Variants in ZNF551 observed in about 807,000 individuals in gnomAD.
ZNF551 encodes zinc finger protein 551.
A neutral mutation model predicts 7.9 loss-of-function variants in ZNF551; 5 were observed. The observed-to-expected ratio is 0.63, with a 90% CI of 0.33 to 1.33. The LOEUF (loss-of-function observed/expected upper bound fraction) is 1.33. ZNF551 is among the 40% of genes most tolerant of loss of function. The pLI is 0.05. For missense variants in ZNF551, 788 were observed against 825.2 expected, an observed-to-expected ratio of 0.95 and a Z score of 0.55; for synonymous variants, 287 against 277.3, an observed-to-expected ratio of 1.03 and a Z score of -0.35.
chr19:57,685,577 T>G lies in ZNF551; in HGVS notation c.205+192T>G, dbSNP rs567338893. ...TTTTCCTCTAGCTGCCATTTCCTTATGTCCACCTATATCAGAAATTACAGG... is the reference window on the plus strand; with the variant it reads ...TTTTCCTCTAGCTGCCATTTCCTTAGGTCCACCTATATCAGAAATTACAGG... On this transcript the variant is annotated intron_variant, in intron 2 of 2. Coordinates refer to ENST00000282296, the MANE Select transcript of ZNF551 (RefSeq NM_138347.5). 1.3e-5 allele frequency: 10 copies of G among 772,568 alleles called. No homozygotes were observed. The Middle Eastern group carries it at 1.4e-3, about 112-fold the overall frequency. The allele number at this position is 772,568 out of a possible 1,614,324, so 47.9% of individuals were successfully genotyped here. A position where few individuals can be genotyped will look rare whatever the true frequency, so the allele number is the denominator to read the frequency against.
rs146985332 is a variant in ZNF551, at chr19:57,686,798, T to G, written c.523T>G (p.Phe175Val). The G allele has an allele frequency of 1.2e-6, 2 of 1,614,058 alleles. No homozygotes were observed. The highest frequency in any genetic ancestry group is 2.7e-5 in the African/African-American group (2 of 74,918). Residue 175 changes from phenylalanine to valine, a missense_variant, in exon 3 of 3, where the codon TTC becomes GTC. By Grantham distance (50) the Phe-to-Val change is conservative. Transcript: ENST00000282296. ...DEATFVTGCR[F>V]HVLNYFTCGE... ...GGCTACATTTGTGACCGGCTGCAGATTCCATGTGTTGAATTATTTCACCTG... is the reference window on the plus strand; with the variant it reads ...GGCTACATTTGTGACCGGCTGCAGAGTCCATGTGTTGAATTATTTCACCTG...
Position 57,688,200 on chromosome 19 carries a change from C to CT in ZNF551, c.1927dup (p.Tyr643LeufsTer2). 6.2e-7 allele frequency: 1 copy of CT among 1,614,238 alleles called. No individual in the cohort carries two copies. The highest frequency in any genetic ancestry group is 8.5e-7 in the Non-Finnish European group (1 of 1,180,044). On this transcript the variant is annotated frameshift_variant, in exon 3 of 3. Transcript: ENST00000282296. LOFTEE classifies it low-confidence loss of function (END_TRUNC). ...CAAAGAGTTCACACTGGAGAAAGGC[C>CT]TTATGAATGCAGTGAATGTGGGAAA...
At chr19:57,682,492 C>T (rs1984418749) in intron 1 of ZNF551, among the ~76,000 whole-genome samples, 1 of 152,164 alleles carries the variant, frequency 6.6e-6, no homozygotes, top group Non-Finnish European at 1.5e-5. Flanking sequence ...CGTCTCGGGT[C>T]TGCAGGAACA....
Position 57,688,063 on chromosome 19 carries a change from T to C in ZNF551, c.1788T>C (p.Phe596=). 6.2e-7 allele frequency: 1 copy of C among 1,614,132 alleles called. No homozygotes were observed. The highest frequency in any genetic ancestry group is 8.5e-7 in the Non-Finnish European group (1 of 1,180,010). The change falls in exon 3 of 3, where the codon TTT becomes TTC. Residue 596 remains phenylalanine, a synonymous_variant. Transcript: ENST00000282296. ...AATGTAGTGAATGTGGGAAATCCTT[T>C]AGCCAGAGCTCTAGCCTCATTCAAC... is the stretch of plus-strand genomic sequence containing the variant. ...PYECSECGKS[F]SQSSSLIQHQ... is the part of the protein sequence containing the mutation.
chr19:57,690,539 A>C lies in ZNF551; in HGVS notation c.*2251A>C, dbSNP rs750155972. 1 of 152,128 alleles carries C rather than the reference A, an allele frequency of 6.6e-6. No homozygotes were observed. The highest frequency in any genetic ancestry group is 1.5e-5 in the Non-Finnish European group (1 of 68,036). The allele number at this position is 152,128 out of a possible 1,614,324, so 9.4% of individuals were successfully genotyped here. ...AAAATGATGAATCTTTGTATTGCTGAGTATCATGCTGTTCTATGGATAAGT... is the reference window on the plus strand; with the variant it reads ...AAAATGATGAATCTTTGTATTGCTGCGTATCATGCTGTTCTATGGATAAGT... On this transcript the variant is annotated 3_prime_UTR_variant, in exon 3 of 3. Coordinates refer to ENST00000282296, the MANE Select transcript of ZNF551 (RefSeq NM_138347.5).
chr19:57,685,516 A>G, intron 2 of ZNF551, 131 bp downstream of exon 2: 2 of 1,424,742 alleles, frequency 1.4e-6, no homozygotes, highest in Non-Finnish European at 2.0e-6. Flanking sequence ...ATGACTGTGT[A>G]CAGATTCATG....
chr19:57,688,520 C>T lies in ZNF551; in HGVS notation c.*232C>T, dbSNP rs554429613. ...GCTGAAGCCATTTCACATTTCACCCCTACCACCTGGCAGGTGCACACCATG... is the reference window on the plus strand; with the variant it reads ...GCTGAAGCCATTTCACATTTCACCCTTACCACCTGGCAGGTGCACACCATG... On this transcript the variant is annotated 3_prime_UTR_variant, in exon 3 of 3. Transcript: ENST00000282296. 5.1e-6 allele frequency: 3 copies of T among 592,470 alleles called. No homozygotes were observed. Among genetic ancestry groups the T allele is most frequent in the East Asian group, 2.9e-5 (1 of 34,030 alleles). The allele number at this position is 592,470 out of a possible 1,614,324, so 36.7% of individuals were successfully genotyped here.
Position 57,690,115 on chromosome 19 carries a change from A to C in ZNF551, c.*1827A>C, listed in dbSNP as rs1984716687. The C allele has an allele frequency of 6.6e-6, 1 of 152,138 alleles. No homozygotes were observed. The highest frequency in any genetic ancestry group is 1.5e-5 in the Non-Finnish European group (1 of 68,014). The allele number at this position is 152,138 out of a possible 1,614,324, so 9.4% of individuals were successfully genotyped here. On this transcript the variant is annotated 3_prime_UTR_variant, in exon 3 of 3. Transcript: ENST00000282296. ...AAAAAAAAGGAACATCTAGGCTCTT[A>C]ATTTTGAGCCACTTTTTAAAGCTTT...
At chr19:57,684,065 A>G (rs911772669) in intron 1 of ZNF551, among the ~76,000 whole-genome samples, 1 of 152,132 alleles carries the variant, frequency 6.6e-6, no homozygotes, top group Non-Finnish European at 1.5e-5. Context: ...GGGGACAGCA[A>G]TCACAGCCCA....
At position 57,686,485 on chromosome 19, in the gene ZNF551, T is replaced by C; in HGVS notation, c.210T>C (p.Tyr70=). 1.9e-6 allele frequency: 3 copies of C among 1,600,956 alleles called. No individual in the cohort carries two copies. Among genetic ancestry groups the C allele is most frequent in the Non-Finnish European group, 1.7e-6 (2 of 1,169,360 alleles). ...TCAGCATTTCTCTGCTTTCAGGTTA[T>C]TGCCATGGAATGGAGAATGAGGCGA... The part of the protein sequence containing the change: ...ENFAHVTSLG[Y]CHGMENEAIA... The change falls in exon 3 of 3, where the codon TAT becomes TAC. Residue 70 remains tyrosine, a synonymous_variant. Coordinates refer to ENST00000282296, the MANE Select transcript of ZNF551 (RefSeq NM_138347.5).
chr19:57,686,732 C>T lies in ZNF551; in HGVS notation c.457C>T (p.His153Tyr). 1 of 1,614,222 alleles carries T rather than the reference C, an allele frequency of 6.2e-7. No individual in the cohort carries two copies. The highest frequency in any genetic ancestry group is 8.5e-7 in the Non-Finnish European group (1 of 1,180,044). Residue 153 changes from histidine (H) to tyrosine (Y), a missense_variant, in exon 3 of 3, where the codon CAT (histidine) becomes TAT (tyrosine). Transcript: ENST00000282296. ...TGCTGACCTTCACCAGCATCAAAAG[C>T]ATTACAATGAAGAAGAGCCCTGGAA... is the stretch of plus-strand genomic sequence containing the variant. Reference protein sequence around the residue: ...FSADLHQHQKHYNEEEPWKRK... With the variant: ...FSADLHQHQKYYNEEEPWKRK...
At position 57,685,371 on chromosome 19, in the gene ZNF551, A is replaced by G. The variant is rs756256742; in HGVS notation, c.191A>G (p.His64Arg). 9.9e-6 allele frequency: 16 copies of G among 1,614,114 alleles called. No homozygotes were observed. The highest frequency in any genetic ancestry group is 1.2e-5 in the Non-Finnish European group (14 of 1,179,994). Reference sequence around the variant, plus strand: ...GATGTGATGCTGGAGAACTTTGCACATGTAACATCCCTGGGTAAGGCCCTA... The same window carrying G: ...GATGTGATGCTGGAGAACTTTGCACGTGTAACATCCCTGGGTAAGGCCCTA... ...YCDVMLENFAHVTSLGYCHGM... is the reference protein window; with the variant it reads ...YCDVMLENFARVTSLGYCHGM... The change falls in exon 2 of 3, where the codon CAT (histidine) becomes CGT (arginine). Residue 64 changes from histidine to arginine, a missense_variant. Transcript: ENST00000282296.
intron 1 of ZNF551, among the ~76,000 whole-genome samples, chr19:57,683,300 T>G (rs1211882771): frequency 6.6e-6 from 1 of 152,224 alleles, no homozygotes; most frequent in Non-Finnish European, 1.5e-5. Context: ...ATTTTTTAAG[T>G]AGGGCTGCCT....
In ZNF551 at chr19:57,688,431, G is replaced by A; in HGVS notation, c.*143G>A. On this transcript the variant is annotated 3_prime_UTR_variant, in exon 3 of 3. Coordinates refer to ENST00000282296, the MANE Select transcript of ZNF551 (RefSeq NM_138347.5). ...CAGGTATGTGGGAAGCTCTGAGGAG[G>A]TTCATTGTAATTTCTAATCTGCCGA... is the stretch of plus-strand genomic sequence containing the variant. 8.6e-7 allele frequency: 1 copy of A among 1,169,148 alleles called. No homozygotes were observed. Among genetic ancestry groups the A allele is most frequent in the Non-Finnish European group, 1.2e-6 (1 of 845,660 alleles). 72.4% of individuals were successfully genotyped at this position (1,169,148 alleles called of 1,614,324 possible).
Position 57,686,777 on chromosome 19 carries a change from A to G in ZNF551, c.502A>G (p.Thr168Ala), listed in dbSNP as rs777553445. 3.1e-6 allele frequency: 5 copies of G among 1,614,252 alleles called. No homozygotes were observed. The highest frequency in any genetic ancestry group is 4.2e-6 in the Non-Finnish European group (5 of 1,180,044). ...CTGGAAAAGGAAGGTGGATGAGGCT[A>G]CATTTGTGACCGGCTGCAGATTCCA... is the stretch of plus-strand genomic sequence containing the variant. Reference protein sequence around the residue: ...EPWKRKVDEATFVTGCRFHVL... With the variant: ...EPWKRKVDEAAFVTGCRFHVL... Residue 168 changes from threonine to alanine, a missense_variant, in exon 3 of 3, where the codon ACA (threonine) becomes GCA (alanine). Coordinates refer to ENST00000282296, the MANE Select transcript of ZNF551 (RefSeq NM_138347.5).
At chr19:57,684,938 G>A (rs1984507634) in intron 1 of ZNF551, among the ~76,000 whole-genome samples, 1 of 152,160 alleles carries the variant, frequency 6.6e-6, no homozygotes, top group Non-Finnish European at 1.5e-5. Context: ...GACTTCACGG[G>A]TATTGCCTGA....
At position 57,690,137 on chromosome 19, in the gene ZNF551, C is replaced by T. The variant is rs1270193190; in HGVS notation, c.*1849C>T. 1 of 152,074 alleles carries T rather than the reference C, an allele frequency of 6.6e-6. No homozygotes were observed. Among genetic ancestry groups the T allele is most frequent in the Non-Finnish European group, 1.5e-5 (1 of 67,998 alleles). 9.4% of individuals were successfully genotyped at this position (152,074 alleles called of 1,614,324 possible). A position where few individuals can be genotyped will look rare whatever the true frequency, so the allele number is the denominator to read the frequency against. ...CTTAATTTTGAGCCACTTTTTAAAG[C>T]TTTTTGAAGGTCTAATTTGTATAAC... On this transcript the variant is annotated 3_prime_UTR_variant, in exon 3 of 3. Transcript: ENST00000282296.
At chr19:57,685,497 C>G in intron 2 of ZNF551, 112 bp downstream of exon 2, 3 of 1,527,212 alleles carry the variant, frequency 2.0e-6, no homozygotes, top group Non-Finnish European at 2.7e-6. Flanking sequence ...TTGTCTTCCC[C>G]CTGTCAGGAT....
chr19:57,682,180 G>T lies in ZNF551; in HGVS notation c.17G>T (p.Gly6Val), dbSNP rs1484368855. 5.2e-6 allele frequency: 8 copies of T among 1,548,990 alleles called. No homozygotes were observed. The highest frequency in any genetic ancestry group is 7.0e-6 in the Non-Finnish European group (8 of 1,146,784). Residue 6 changes from glycine to valine, a missense_variant, in exon 1 of 3, where the codon GGC becomes GTC. Transcript: ENST00000282296. MPAPV[G>V]RRSPPSPRSS... is the part of the protein sequence containing the mutation. ...TGTGTTCGAATGCCCGCCCCGGTCG[G>T]CCGCCGCTCCCCGCCTAGTCCACGG...
Sources: allele counts gnomAD v4.1 joint callset (sites outside exome capture counted in the v4.1 genomes callset), GRCh38; gene constraint gnomAD v4.1.1; transcripts MANE v1.5; gene names NCBI Gene and HGNC (gene_info 2026-07-23, HGNC 2026-07-21).